Variants in DTD1 observed in about 807,000 individuals in gnomAD.
DTD1 encodes the protein D-tyrosyl-tRNA deacylase 1 homolog.
Under a neutral mutation model 25.6 loss-of-function variants are expected in DTD1, and 13 were observed. The ratio of observed to expected loss-of-function variants is 0.51; its 90% CI spans 0.33 to 0.81. The LOEUF (loss-of-function observed/expected upper bound fraction) is 0.81, where lower values mean the gene tolerates loss of function less well. Among genes scored for constraint, DTD1 ranks in the 30% least tolerant of loss-of-function variants. DTD1 has a pLI of 0.02. For missense variants in DTD1, 193 were observed against 266.4 expected, an observed-to-expected ratio of 0.72 and a Z score of 1.92; for synonymous variants, 110 against 103.6, an observed-to-expected ratio of 1.06 and a Z score of -0.37.
intron 4 of DTD1, 83 bp from the exon 5 acceptor site, chr20:18,744,017 C>T (rs1050534319): frequency 6.9e-7 from 1 of 1,454,068 alleles, no homozygotes; most frequent in Non-Finnish European, 9.2e-7. Flanking sequence ...CAATGGTTCC[C>T]ACCTGGGAAG....
intron 4 of DTD1, among the ~76,000 whole-genome samples, chr20:18,722,785 A>T (rs1291070986): frequency 1.3e-5 from 2 of 152,192 alleles, no homozygotes; most frequent in Non-Finnish European, 2.9e-5. Flanking sequence ...TAGAAGTGCC[A>T]GGTAAATGGC....
At chr20:18,673,025 A>G (rs1303866267) in intron 4 of DTD1, among the ~76,000 whole-genome samples, 1 of 152,194 alleles carries the variant, frequency 6.6e-6, no homozygotes, top group Non-Finnish European at 1.5e-5. Flanking sequence ...CTGGGTACAT[A>G]ACAAGCGCTC....
At chr20:18,628,318 A>G (rs2060768273) in intron 4 of DTD1, 85 bp downstream of exon 4, 1 of 1,011,938 alleles carries the variant, frequency 9.9e-7, no homozygotes. Context: ...CGGTCTGAGG[A>G]AATACATCAT....
At chr20:18,717,530 T>G (rs2061186007) in intron 4 of DTD1, among the ~76,000 whole-genome samples, 1 of 152,192 alleles carries the variant, frequency 6.6e-6, no homozygotes, top group African/African-American at 2.4e-5. Flanking sequence ...CATACCTAAC[T>G]TTTTCTCAAT....
chr20:18,590,312 G>T (rs1179442497), intron 1 of DTD1, among the ~76,000 whole-genome samples: 2 of 152,152 alleles, frequency 1.3e-5, no homozygotes, highest in East Asian at 3.9e-4. Flanking sequence ...TGAGTAGTTA[G>T]ACTACAGGCG....
intron 5 of DTD1, among the ~76,000 whole-genome samples, chr20:18,748,881 G>A (rs931423365): frequency 6.6e-6 from 1 of 152,174 alleles, no homozygotes; most frequent in Non-Finnish European, 1.5e-5. Flanking sequence ...AGCCACAGAG[G>A]GGAGGCAGCA....
At chr20:18,663,058 C>G (rs974227517) in intron 4 of DTD1, among the ~76,000 whole-genome samples, 50 of 152,248 alleles carry the variant, frequency 3.3e-4, no homozygotes, top group Admixed American at 2.4e-3. Context: ...ACTTCCCTGC[C>G]CCTTTGGTAT....
chr20:18,606,370 C>T (rs1460006858), intron 3 of DTD1, among the ~76,000 whole-genome samples: 3 of 135,276 alleles, frequency 2.2e-5, no homozygotes, highest in Admixed American at 7.6e-5. Flanking sequence ...GTCAGTGTGG[C>T]GATTCCTCAG....
Position 18,596,063 on chromosome 20 carries a change from G to A in DTD1, c.192G>A (p.Ser64=), listed in dbSNP as rs749074053. 3.7e-6 allele frequency: 6 copies of A among 1,614,104 alleles called. No homozygotes were observed. The South Asian group carries it at 4.4e-5, about 12-fold the overall frequency. ...VFEDESGKHW[S]KSVMDKQYEI... is the part of the protein sequence containing the mutation. ...AGGATGAGAGTGGGAAGCACTGGTC[G>A]AAGAGTGTGATGGACAAACAGTACG... Residue 64 remains serine, a synonymous_variant, in exon 3 of 6, where the codon TCG becomes TCA. Transcript: ENST00000377452.
At position 18,711,321 on chromosome 20, in the gene DTD1, C is replaced by T. The variant is rs181002309; in HGVS notation, c.478-32779C>T. Among the ~76,000 whole-genome samples, 155 of 152,240 alleles carry T rather than the reference C, an allele frequency of 1.0e-3. 2 individuals are homozygous for T. In the East Asian group the frequency reaches 0.03, roughly 29 times the overall value. On this transcript the variant is annotated intron_variant, in intron 4 of 5. Transcript: ENST00000377452. ...CTGAGTGCTTTAGCTGAGTGGCCTCCGGGACTCTCAACCCCATCTCCTTTA... is the reference window on the plus strand; with the variant it reads ...CTGAGTGCTTTAGCTGAGTGGCCTCTGGGACTCTCAACCCCATCTCCTTTA...
chr20:18,671,074 A>G (rs1001623343), intron 4 of DTD1, among the ~76,000 whole-genome samples: 3 of 152,214 alleles, frequency 2.0e-5, no homozygotes, highest in Non-Finnish European at 4.4e-5. Context: ...CACTGTGCAC[A>G]TGCCCTGGAA....
chr20:18,710,779 G>A (rs1448671474), intron 4 of DTD1, among the ~76,000 whole-genome samples: 2 of 152,198 alleles, frequency 1.3e-5, no homozygotes, highest in Admixed American at 1.3e-4. Context: ...ACGGTGACAT[G>A]CCTCTGGCCC....
chr20:18,713,092 A>G (rs1055876813), intron 4 of DTD1, among the ~76,000 whole-genome samples: 4 of 152,204 alleles, frequency 2.6e-5, no homozygotes, highest in African/African-American at 9.6e-5. Flanking sequence ...GGCTCACCAT[A>G]GCCTCTGCTC....
chr20:18,679,898 G>A (rs115705838), intron 4 of DTD1, among the ~76,000 whole-genome samples: 1,744 of 152,240 alleles, frequency 0.011, 30 homozygotes, highest in African/African-American at 0.039. Flanking sequence ...CTCTATGGTG[G>A]TTCCTGGGGA....
chr20:18,743,751 T>C (rs1231263499), intron 4 of DTD1, among the ~76,000 whole-genome samples: 2 of 146,986 alleles, frequency 1.4e-5, no homozygotes, highest in Non-Finnish European at 3.0e-5. Context: ...GAAAAAAAAC[T>C]ATCAAAGAAA....
At chr20:18,619,574 A>G (rs2060724716) in intron 3 of DTD1, among the ~76,000 whole-genome samples, 1 of 151,912 alleles carries the variant, frequency 6.6e-6, no homozygotes, top group African/African-American at 2.4e-5. Flanking sequence ...ACAGGTGCAC[A>G]CCGCCACGCC....
chr20:18,740,879 C>A (rs1038768645), intron 4 of DTD1, among the ~76,000 whole-genome samples: 8 of 152,112 alleles, frequency 5.3e-5, no homozygotes, highest in Non-Finnish European at 1.0e-4. Context: ...GGAAAGAAGC[C>A]TGTTATTTTA....
At position 18,765,169 on chromosome 20, in the gene DTD1, C is replaced by T. The variant is rs1179014365; in HGVS notation, c.*1829C>T. ...GTCAAGTTGCTGAAGGGTCTGAAAC[C>T]GTAAAGGAAGAGCTGAAGGAGCTGG... is the stretch of plus-strand genomic sequence containing the variant. On this transcript the variant is annotated 3_prime_UTR_variant, in exon 6 of 6. Transcript: ENST00000377452. The T allele has an allele frequency of 2.6e-5, 4 of 152,134 alleles. No homozygotes were observed. The highest frequency in any genetic ancestry group is 6.6e-5 in the Admixed American group (1 of 15,266). The allele number at this position is 152,134 out of a possible 1,614,324, so 9.4% of individuals were successfully genotyped here. A position where few individuals can be genotyped will look rare whatever the true frequency, so the allele number is the denominator to read the frequency against.
chr20:18,599,277 C>T (rs551134870), intron 3 of DTD1, among the ~76,000 whole-genome samples: 12 of 151,978 alleles, frequency 7.9e-5, no homozygotes, highest in South Asian at 6.2e-4. Context: ...CGGGTTCAAG[C>T]GATTCTCCTG....
Sources: allele counts gnomAD v4.1 joint callset (sites outside exome capture counted in the v4.1 genomes callset), GRCh38; gene constraint gnomAD v4.1.1; transcripts MANE v1.5; gene names NCBI Gene and HGNC (gene_info 2026-07-23, HGNC 2026-07-21).